The following TM4SF18 variants were observed in gnomAD, a reference collection of about 807,000 sequenced individuals.
TM4SF18 encodes transmembrane 4 L six family member 18.
A neutral mutation model predicts 23.8 loss-of-function variants in TM4SF18; 22 were observed. The observed-to-expected ratio is 0.92, with a 90% CI of 0.66 to 1.32. TM4SF18 has a LOEUF of 1.32. TM4SF18 is among the 40% of genes most tolerant of loss of function. The probability of loss-of-function intolerance (pLI) is 0.00; values close to 1 mark genes in which losing one functional copy is unlikely to be tolerated. For synonymous variants in TM4SF18, 87 were observed against 87.9 expected (o/e 0.99, Z 0.06); for missense variants, 255 against 240.3 (o/e 1.06, Z -0.41).
intron 3 of TM4SF18, among the ~76,000 whole-genome samples, chr3:149,327,344 A>T (rs1452531625): frequency 6.6e-6 from 1 of 152,220 alleles, no homozygotes; most frequent in African/African-American, 2.4e-5. Context: ...GGCAGTGGTC[A>T]CACAAGCTGG....
At chr3:149,330,283 A>G (rs1402734424) in intron 3 of TM4SF18, 47 bp downstream of exon 3, 5 of 1,322,468 alleles carry the variant, frequency 3.8e-6, no homozygotes, top group Non-Finnish European at 5.4e-6. Flanking sequence ...GAGAGGAAAG[A>G]AAGCTGGAGC....
rs34338382 is a variant in TM4SF18, at chr3:149,322,905, C to CTTTTTTTTTTTTTTTTTTTTTTTTTTTT, written c.411-470_411-469insAAAAAAAAAAAAAAAAAAAAAAAAAAAA. 3.0e-4 allele frequency among the ~76,000 whole-genome samples: 38 copies of CTTTTTTTTTTTTTTTTTTTTTTTTTTTT among 128,762 alleles called. 3 individuals carry two copies. Among genetic ancestry groups the CTTTTTTTTTTTTTTTTTTTTTTTTTTTT allele is most frequent in the Non-Finnish European group, 5.0e-4 (29 of 58,372 alleles). 84.5% of individuals were successfully genotyped at this position (128,762 alleles called of 152,430 possible). On this transcript the variant is annotated intron_variant, in intron 4 of 5. Coordinates refer to ENST00000296059, the MANE Select transcript of TM4SF18 (RefSeq NM_138786.4). ...GAACTTTACCCCTCTGGCCTCCAGA[C>CTTTTTTTTTTTTTTTTTTTTTTTTTTTT]TTTTTTTTTTTTTTTTGAGACGGAG...
At chr3:149,330,702 A>C (rs1323159295) in intron 2 of TM4SF18, among the ~76,000 whole-genome samples, 3 of 152,228 alleles carry the variant, frequency 2.0e-5, no homozygotes, top group African/African-American at 7.2e-5. Flanking sequence ...AACCATCAAA[A>C]GCTAATGATT....
At chr3:149,325,159 TAAAA>T in intron 3 of TM4SF18, 137 bp from the exon 4 acceptor site, 3 of 629,822 alleles carry the variant, frequency 4.8e-6, no homozygotes, top group Non-Finnish European at 7.2e-6. Context: ...CACATAGAAA[TAAAA>T]AAAAAAGTAA....
intron 3 of TM4SF18, among the ~76,000 whole-genome samples, chr3:149,328,993 A>AT (rs1731017739): frequency 6.6e-6 from 1 of 152,108 alleles, no homozygotes; most frequent in Non-Finnish European, 1.5e-5. Flanking sequence ...GAACATGTGA[A>AT]TTTTTATTTT....
intron 4 of TM4SF18, chr3:149,324,664 G>T: frequency 1.8e-6 from 1 of 562,590 alleles, no homozygotes; most frequent in Non-Finnish European, 3.2e-6. Flanking sequence ...TCAAGACATT[G>T]AATGAAAATG....
chr3:149,329,147 G>A lies in TM4SF18; in HGVS notation c.267+1183C>T, dbSNP rs1731022322. ...CAAGTAGCTACTGGAGGATGACTGA[G>A]TCAACTGGTCACACACACACACACA... On this transcript the variant is annotated intron_variant, in intron 3 of 5. Transcript: ENST00000296059. 2.8e-5 allele frequency among the ~76,000 whole-genome samples: 4 copies of A among 141,576 alleles called. No individual in the cohort carries two copies. In the South Asian group the frequency reaches 8.9e-4, roughly 31 times the overall value. 92.9% of individuals were successfully genotyped at this position (141,576 alleles called of 152,430 possible).
chr3:149,330,104 A>G, intron 3 of TM4SF18: 1 of 340,650 alleles, frequency 2.9e-6, no homozygotes. Flanking sequence ...ATTATTTCCT[A>G]ATTTTAGGTA....
intron 3 of TM4SF18, among the ~76,000 whole-genome samples, chr3:149,329,771 C>T (rs966168434): frequency 6.6e-6 from 1 of 152,148 alleles, no homozygotes; most frequent in Non-Finnish European, 1.5e-5. Flanking sequence ...ACATCACATA[C>T]ACCCAACAAT....
Position 149,322,245 on chromosome 3 carries a change from G to A in TM4SF18, c.591+11C>T, listed in dbSNP as rs1257643563. ...ATGGATGAGCTACAGGTGCCCATGA[G>A]AATCTGTTACCTGGAAGATCACTGA... On this transcript the variant is annotated intron_variant, in intron 5 of 5. Transcript: ENST00000296059. 6.2e-7 allele frequency: 1 copy of A among 1,603,876 alleles called. No individual in the cohort carries two copies. Among genetic ancestry groups the A allele is most frequent in the East Asian group, 2.3e-5 (1 of 44,390 alleles).
Position 149,319,931 on chromosome 3 carries a change from C to G in TM4SF18, c.*1547G>C, listed in dbSNP as rs1292541905. The G allele has an allele frequency of 6.6e-6, 1 of 152,272 alleles. No individual in the cohort carries two copies. The highest frequency in any genetic ancestry group is 6.5e-5 in the Admixed American group (1 of 15,290). 9.4% of individuals were successfully genotyped at this position (152,272 alleles called of 1,614,324 possible). A position where few individuals can be genotyped will look rare whatever the true frequency, so the allele number is the denominator to read the frequency against. On this transcript the variant is annotated 3_prime_UTR_variant, in exon 6 of 6. Transcript: ENST00000296059. ...GCAAGACAATAGGCTGCCCATGACT[C>G]TGGGGCCTGCCCCAGTTCAGTCAGC...
intron 3 of TM4SF18, among the ~76,000 whole-genome samples, chr3:149,329,128 G>A (rs944334407): frequency 2.7e-5 from 4 of 149,638 alleles, no homozygotes; most frequent in East Asian, 4.0e-4. Flanking sequence ...ATTACAAGTA[G>A]CTACTGGAGG....
At chr3:149,323,395 C>T (rs1730860352) in intron 4 of TM4SF18, among the ~76,000 whole-genome samples, 1 of 152,150 alleles carries the variant, frequency 6.6e-6, no homozygotes, top group South Asian at 2.1e-4. Flanking sequence ...GAAATGAGTC[C>T]CTCCAGATCC....
intron 4 of TM4SF18, 47 bp from the exon 5 acceptor site, chr3:149,322,483 A>G (rs368282083): frequency 4.5e-5 from 68 of 1,512,760 alleles, no homozygotes; most frequent in Non-Finnish European, 5.8e-5. Flanking sequence ...CCAAGGAAGA[A>G]AGCTACAAGC....
At chr3:149,324,509 A>G (rs184317498) in intron 4 of TM4SF18, among the ~76,000 whole-genome samples, 227 of 152,218 alleles carry the variant, frequency 1.5e-3, no homozygotes, top group Non-Finnish European at 1.5e-3. Context: ...CACATGTCCA[A>G]CCTGGCCATA....
Position 149,319,645 on chromosome 3 carries a change from G to A in TM4SF18, c.*1833C>T, listed in dbSNP as rs1251798603. 9.2e-5 allele frequency: 14 copies of A among 152,260 alleles called. No homozygotes were observed. Among genetic ancestry groups the A allele is most frequent in the Non-Finnish European group, 1.8e-4 (12 of 68,074 alleles). The allele number at this position is 152,260 out of a possible 1,614,324, so 9.4% of individuals were successfully genotyped here. On this transcript the variant is annotated 3_prime_UTR_variant, in exon 6 of 6. Coordinates refer to ENST00000296059, the MANE Select transcript of TM4SF18 (RefSeq NM_138786.4). Reference sequence around the variant, plus strand: ...TCCAAGAACAGAAACCAGGCCTAGGGTACACTGTTCATTGTGGGCAAAGGC... The same window carrying A: ...TCCAAGAACAGAAACCAGGCCTAGGATACACTGTTCATTGTGGGCAAAGGC...
At chr3:149,332,677 C>A (rs558293350) in intron 2 of TM4SF18, among the ~76,000 whole-genome samples, 2 of 152,086 alleles carry the variant, frequency 1.3e-5, no homozygotes, top group Non-Finnish European at 2.9e-5. Flanking sequence ...AAAGTAAATG[C>A]CATTATTCAC....
At chr3:149,323,523 C>T (rs150611438) in intron 4 of TM4SF18, among the ~76,000 whole-genome samples, 193 of 152,272 alleles carry the variant, frequency 1.3e-3, no homozygotes, top group African/African-American at 4.2e-3. Flanking sequence ...GCTGGAGCCG[C>T]GGCAGAGAAA....
rs980558961 is a variant in TM4SF18 at position 149,330,331 on chromosome 3, A to G, written c.266T>C (p.Val89Ala). The G allele has an allele frequency of 1.2e-6, 2 of 1,609,174 alleles. No homozygotes were observed. The highest frequency in any genetic ancestry group is 2.7e-5 in the African/African-American group (2 of 74,812). ...CCTCAAAAAAACTGTTGCTCTTACCACATATTTTTTGCTGCAGTTTTCACT... is the reference window on the plus strand; with the variant it reads ...CCTCAAAAAAACTGTTGCTCTTACCGCATATTTTTTGCTGCAGTTTTCACT... ...CQSENCSKKYVTLLSIIFSSL... is the reference protein window; with the variant it reads ...CQSENCSKKYATLLSIIFSSL... The change falls in exon 3 of 6, where the codon GTG becomes GCG. Residue 89 changes from valine to alanine, a missense_variant and splice_region_variant. Val to Ala is a moderately conservative substitution (Grantham distance 64). Coordinates refer to ENST00000296059, the MANE Select transcript of TM4SF18 (RefSeq NM_138786.4).
Sources: allele counts gnomAD v4.1 joint callset (sites outside exome capture counted in the v4.1 genomes callset), GRCh38; gene constraint gnomAD v4.1.1; transcripts MANE v1.5; gene names NCBI Gene and HGNC (gene_info 2026-07-23, HGNC 2026-07-21).